STPG2: variants seen among roughly 807,000 people sequenced by gnomAD.
STPG2 encodes sperm tail PG-rich repeat containing 2.
In STPG2, 56 loss-of-function variants were observed where a neutral mutation model predicts 54.2. The ratio of observed to expected loss-of-function variants is 1.03; its 90% CI spans 0.83 to 1.29. STPG2 has a LOEUF of 1.29. Among genes scored for constraint, STPG2 ranks in the 50% most tolerant of loss-of-function variants. The probability of loss-of-function intolerance (pLI) is 0.00; values close to 1 mark genes in which losing one functional copy is unlikely to be tolerated. For synonymous variants in STPG2, 200 were observed against 181.8 expected (o/e 1.10, Z -0.81); for missense variants, 596 against 544.9 (o/e 1.09, Z -0.93).
intron 5 of STPG2, among the ~76,000 whole-genome samples, chr4:98,063,721 A>G (rs1737735974): frequency 6.6e-6 from 1 of 151,968 alleles, no homozygotes; most frequent in Admixed American, 6.6e-5. Context: ...AAAATAAAAT[A>G]ATAATAACAA....
intron 10 of STPG2, among the ~76,000 whole-genome samples, chr4:97,676,399 A>G (rs1222767677): frequency 6.6e-6 from 1 of 152,038 alleles, no homozygotes; most frequent in African/African-American, 2.4e-5. Context: ...AATTTTTCCA[A>G]CAAGATAATA....
intron 4 of STPG2, among the ~76,000 whole-genome samples, chr4:97,549,993 T>G (rs762584366): frequency 2.5e-4 from 38 of 152,190 alleles, no homozygotes; most frequent in Admixed American, 1.0e-3. Flanking sequence ...GCTTCAATTT[T>G]ATTCTGAATA....
intron 3 of STPG2, among the ~76,000 whole-genome samples, chr4:98,115,649 G>A (rs1739495856): frequency 6.6e-6 from 1 of 151,744 alleles, no homozygotes; most frequent in African/African-American, 2.4e-5. Flanking sequence ...TGCACCTCTG[G>A]AAACTAAACC....
chr4:97,801,692 A>G (rs1727405411), intron 9 of STPG2, among the ~76,000 whole-genome samples: 1 of 152,120 alleles, frequency 6.6e-6, no homozygotes, highest in Admixed American at 6.6e-5. Flanking sequence ...TACACTGGGG[A>G]ACACTGGGGA....
At chr4:97,611,524 T>G (rs1733730137) in intron 10 of STPG2, among the ~76,000 whole-genome samples, 1 of 151,974 alleles carries the variant, frequency 6.6e-6, no homozygotes, top group African/African-American at 2.4e-5. Context: ...TATATTACAT[T>G]TAGGCCAACC....
At chr4:97,887,831 A>G (rs1426137002) in intron 8 of STPG2, among the ~76,000 whole-genome samples, 1 of 152,202 alleles carries the variant, frequency 6.6e-6, no homozygotes, top group Admixed American at 6.5e-5. Flanking sequence ...CCAGAAGCCT[A>G]GGAGAACAGA....
In STPG2 at chr4:97,708,085, G is replaced by C. The variant is rs78950867; in HGVS notation, c.1320+4614C>G. On this transcript the variant is annotated intron_variant, in intron 10 of 10. Transcript: ENST00000295268. ...TATACTCTAAGCTAATGACATAAAG[G>C]GTATTCCAAGATTGATGTCTTTGAT... Among the ~76,000 whole-genome samples the C allele has an allele frequency of 8.5e-3, 1,295 of 151,830 alleles. 9 individuals carry two copies. Among genetic ancestry groups the C allele is most frequent in the Middle Eastern group, 0.037 (11 of 294 alleles).
chr4:98,058,907 TAAC>T (rs1320214905), intron 5 of STPG2, among the ~76,000 whole-genome samples: 2 of 149,040 alleles, frequency 1.3e-5, no homozygotes, highest in Non-Finnish European at 1.5e-5. Context: ...GATCTCAAAT[TAAC>T]AACCTAAAGA....
intron 8 of STPG2, among the ~76,000 whole-genome samples, chr4:97,939,246 A>C (rs1365852813): frequency 6.6e-6 from 1 of 152,166 alleles, no homozygotes; most frequent in Non-Finnish European, 1.5e-5. Context: ...GGTCAATTTC[A>C]GAGTATGTGC....
rs376620062 is a variant in STPG2 at position 98,072,028 on chromosome 4, T to C, written c.612+33925A>G. On this transcript the variant is annotated intron_variant, in intron 5 of 10. Coordinates refer to ENST00000295268, the MANE Select transcript of STPG2 (RefSeq NM_174952.3). Reference sequence around the variant, plus strand: ...TTCCTCAAAGATCTAGAGGCAGAAATACCATTTGACCCAGCAATCCCATTA... The same window carrying C: ...TTCCTCAAAGATCTAGAGGCAGAAACACCATTTGACCCAGCAATCCCATTA... Among the ~76,000 whole-genome samples the C allele has an allele frequency of 6.9e-4, 105 of 152,198 alleles. 1 individual carries two copies. In the South Asian group the frequency reaches 0.021, roughly 30 times the overall value.
At chr4:97,845,312 G>A (rs867945107) in intron 8 of STPG2, among the ~76,000 whole-genome samples, 28 of 151,900 alleles carry the variant, frequency 1.8e-4, no homozygotes, top group African/African-American at 6.5e-4. Flanking sequence ...CTGTAGAGAT[G>A]TCCTTATTTT....
intron 8 of STPG2, among the ~76,000 whole-genome samples, chr4:97,938,267 C>G (rs1325382850): frequency 3.9e-5 from 6 of 152,334 alleles, no homozygotes. Context: ...CTGCCTGGAG[C>G]TATAGCGATG....
intron 10 of STPG2, among the ~76,000 whole-genome samples, chr4:97,580,094 A>G (rs1009212024): frequency 4.6e-5 from 7 of 151,988 alleles, no homozygotes; most frequent in African/African-American, 1.7e-4. Context: ...GTAATAAACT[A>G]TACTAATTAA....
chr4:98,043,320 T>C (rs1737022761), intron 5 of STPG2, among the ~76,000 whole-genome samples: 1 of 152,078 alleles, frequency 6.6e-6, no homozygotes, highest in Non-Finnish European at 1.5e-5. Context: ...GCTTATTTCA[T>C]ATACATCTTT....
rs142506770 is a variant in STPG2, at chr4:97,687,865, G to A, written c.1320+24834C>T. On this transcript the variant is annotated intron_variant, in intron 10 of 10. Coordinates refer to ENST00000295268, the MANE Select transcript of STPG2 (RefSeq NM_174952.3). ...GCACTTCCTTTACAGTGCTAGTTTA[G>A]TCTTCTGCATGCCATGGATGTTCAA... Among the ~76,000 whole-genome samples the A allele has an allele frequency of 4.1e-3, 626 of 152,112 alleles. 3 individuals carry two copies. Among genetic ancestry groups the A allele is most frequent in the South Asian group, 0.02 (98 of 4,814 alleles).
intron 8 of STPG2, among the ~76,000 whole-genome samples, chr4:97,914,522 C>T (rs1206130072): frequency 1.3e-5 from 2 of 151,996 alleles, no homozygotes; most frequent in Non-Finnish European, 2.9e-5. Context: ...ATAACCATAA[C>T]CACCACACAC....
chr4:97,748,413 GAA>G (rs1458860008), intron 9 of STPG2, among the ~76,000 whole-genome samples: 1 of 151,514 alleles, frequency 6.6e-6, no homozygotes, highest in Non-Finnish European at 1.5e-5. Context: ...TGCATTGAAA[GAA>G]AATTGAATAG....
At chr4:97,499,590 T>C (rs1162096173) in intron 4 of STPG2, among the ~76,000 whole-genome samples, 4 of 152,068 alleles carry the variant, frequency 2.6e-5, no homozygotes, top group Non-Finnish European at 4.4e-5. Context: ...GGATATCATA[T>C]TCTTATTAGA....
chr4:98,051,546 T>A (rs549469593), intron 5 of STPG2, among the ~76,000 whole-genome samples: 81 of 152,222 alleles, frequency 5.3e-4, no homozygotes, highest in African/African-American at 1.9e-3. Context: ...TCTCATCACG[T>A]GATACTTTCC....
Sources: gnomAD v4.1 joint callset for allele counts (sites outside exome capture counted in the v4.1 genomes callset) on GRCh38, gnomAD v4.1.1 for gene constraint, MANE v1.5 for transcripts, NCBI Gene and HGNC (gene_info 2026-07-23, HGNC 2026-07-21) for gene names.